Variants in SLC24A2 observed in about 807,000 individuals in gnomAD.
SLC24A2 encodes sodium/potassium/calcium exchanger 2.
In SLC24A2, 36 loss-of-function variants were observed where a neutral mutation model predicts 62.0. The observed-to-expected ratio is 0.58, with a 90% CI of 0.44 to 0.77. The LOEUF is 0.77. SLC24A2 is among the 30% of genes least tolerant of loss of function. The probability of loss-of-function intolerance (pLI) is 0.00; values close to 1 mark genes in which losing one functional copy is unlikely to be tolerated. For synonymous variants in SLC24A2, 358 were observed against 294.0 expected (o/e 1.22, Z -2.23); for missense variants, 846 against 817.9 (o/e 1.03, Z -0.42).
the SLC24A2 span, among the ~76,000 whole-genome samples, chr9:20,071,240 T>A: frequency 6.6e-6 from 1 of 152,068 alleles, no homozygotes; most frequent in African/African-American, 2.4e-5. Context: ...GTTTTTTTTA[T>A]AACAGTGTGG....
the SLC24A2 span, among the ~76,000 whole-genome samples, chr9:20,208,609 T>G: frequency 1.3e-5 from 2 of 152,194 alleles, no homozygotes; most frequent in African/African-American, 4.8e-5. Flanking sequence ...GTAATACAAA[T>G]GTGGCATATT....
At chr9:19,945,546 T>G in the SLC24A2 span, among the ~76,000 whole-genome samples, 1 of 152,220 alleles carries the variant, frequency 6.6e-6, no homozygotes, top group Non-Finnish European at 1.5e-5. Flanking sequence ...CCTTTGCTAT[T>G]CAGGGTAGAC....
chr9:20,141,727 C>T, the SLC24A2 span, among the ~76,000 whole-genome samples: 3 of 152,118 alleles, frequency 2.0e-5, no homozygotes, highest in Admixed American at 6.5e-5. Context: ...TATGCTCACT[C>T]AAGCCCTTCC....
chr9:20,170,238 G>A, the SLC24A2 span, among the ~76,000 whole-genome samples: 1 of 151,794 alleles, frequency 6.6e-6, no homozygotes, highest in Non-Finnish European at 1.5e-5. Context: ...ATACTTCTAG[G>A]AATAAATGCT....
intron 2 of SLC24A2, among the ~76,000 whole-genome samples, chr9:19,777,235 A>T (rs1467355005): frequency 6.6e-6 from 1 of 152,222 alleles, no homozygotes; most frequent in African/African-American, 2.4e-5. Flanking sequence ...GAAAAATGTC[A>T]TTCTTCATAA....
chr9:19,954,962 G>A, the SLC24A2 span, among the ~76,000 whole-genome samples: 1 of 148,244 alleles, frequency 6.7e-6, no homozygotes, highest in African/African-American at 2.4e-5. Flanking sequence ...TTCTTTTACA[G>A]GAAAAAGAGG....
chr9:20,017,176 C>T, the SLC24A2 span, among the ~76,000 whole-genome samples: 1 of 152,024 alleles, frequency 6.6e-6, no homozygotes, highest in African/African-American at 2.4e-5. Context: ...GTGTGCACCA[C>T]CACTCCTAGC....
the SLC24A2 span, among the ~76,000 whole-genome samples, chr9:20,247,748 G>A: frequency 1.3e-5 from 2 of 152,148 alleles, no homozygotes; most frequent in Non-Finnish European, 2.9e-5. Context: ...TCCAGAGTTG[G>A]AGCCTTTTCA....
At chr9:20,272,089 T>C in the SLC24A2 span, among the ~76,000 whole-genome samples, 1 of 152,234 alleles carries the variant, frequency 6.6e-6, no homozygotes, top group Non-Finnish European at 1.5e-5. Flanking sequence ...CAGTCCTAAA[T>C]AATTGTCCTG....
At chr9:20,157,359 A>G in the SLC24A2 span, among the ~76,000 whole-genome samples, 8 of 151,826 alleles carry the variant, frequency 5.3e-5, no homozygotes, top group African/African-American at 1.7e-4. Context: ...TAAAATTTCT[A>G]CAGAGCTCCA....
chr9:19,710,963 A>C (rs1317879173), intron 2 of SLC24A2, among the ~76,000 whole-genome samples: 1 of 152,242 alleles, frequency 6.6e-6, no homozygotes, highest in African/African-American at 2.4e-5. Context: ...AATGTACTTA[A>C]TAAATGCCTA....
At chr9:20,038,457 T>G in the SLC24A2 span, among the ~76,000 whole-genome samples, 3 of 152,178 alleles carry the variant, frequency 2.0e-5, no homozygotes, top group Non-Finnish European at 4.4e-5. Flanking sequence ...GTGGAAGGCC[T>G]AAGCCTGGAA....
intron 2 of SLC24A2, among the ~76,000 whole-genome samples, chr9:19,753,524 A>T (rs1822046425): frequency 6.6e-6 from 1 of 152,176 alleles, no homozygotes; most frequent in African/African-American, 2.4e-5. Context: ...TTTTTAAACC[A>T]CCATCTTCCT....
chr9:19,874,270 G>A, the SLC24A2 span, among the ~76,000 whole-genome samples: 11 of 151,542 alleles, frequency 7.3e-5, no homozygotes, highest in Non-Finnish European at 1.6e-4. Context: ...AGTAGAAATG[G>A]GGTTTCGCCA....
chr9:19,642,007 T>A (rs1818508750), intron 2 of SLC24A2, among the ~76,000 whole-genome samples: 1 of 151,916 alleles, frequency 6.6e-6, no homozygotes, highest in Non-Finnish European at 1.5e-5. Flanking sequence ...CTTCCACACA[T>A]TAGGGTAGAG....
At chr9:19,757,033 C>T (rs1822164207) in intron 2 of SLC24A2, among the ~76,000 whole-genome samples, 1 of 150,164 alleles carries the variant, frequency 6.7e-6, no homozygotes. Flanking sequence ...ACTCAGCCTC[C>T]AAAAGCATTA....
chr9:19,603,075 A>C (rs1441502441), intron 4 of SLC24A2, among the ~76,000 whole-genome samples: 1 of 152,150 alleles, frequency 6.6e-6, no homozygotes, highest in South Asian at 2.1e-4. Flanking sequence ...AATATCTGAA[A>C]CCATCCATGC....
the SLC24A2 span, among the ~76,000 whole-genome samples, chr9:19,915,705 A>G: frequency 6.6e-6 from 1 of 152,174 alleles, no homozygotes; most frequent in East Asian, 1.9e-4. Flanking sequence ...GCATCTGTTC[A>G]CATACTTATC....
the SLC24A2 span, among the ~76,000 whole-genome samples, chr9:20,011,648 G>A: frequency 0.3 from 46,165 of 152,016 alleles, 7,607 homozygotes; most frequent in East Asian, 0.54. Flanking sequence ...ATTTAAGGAA[G>A]TAATGGCTGA....
Sources: gnomAD v4.1 joint callset for allele counts (sites outside exome capture counted in the v4.1 genomes callset) on GRCh38, gnomAD v4.1.1 for gene constraint, MANE v1.5 for transcripts, NCBI Gene and HGNC (gene_info 2026-07-23, HGNC 2026-07-21) for gene names.